Variants in NEB observed in about 807,000 individuals in gnomAD.
The protein encoded by NEB is nemaline myopathy type 2.
In NEB, 512 loss-of-function variants were observed where a neutral mutation model predicts 952.2. The observed-to-expected ratio is 0.54, with a 90% confidence interval of 0.50 to 0.58. The LOEUF is 0.58. Among genes scored for constraint, NEB ranks in the 20% least tolerant of loss-of-function variants. The pLI is 0.00. For synonymous variants in NEB, 2,900 were observed against 3,149.8 expected, an observed-to-expected ratio of 0.92 and a Z score of 2.66; for missense variants, 8,428 against 9,231.1, an observed-to-expected ratio of 0.91 and a Z score of 3.56.
Position 151,547,742 on chromosome 2 carries a change from C to T in NEB, c.20158-4G>A, listed in dbSNP as rs568113302. The T allele has an allele frequency of 6.8e-6, 11 of 1,607,330 alleles. No individual in the cohort carries two copies. Among genetic ancestry groups the T allele is most frequent in the African/African-American group, 2.7e-5 (2 of 74,826 alleles). The stretch of plus-strand genomic sequence containing the variant: ...GGTACAATTCCCGATACAGTCTCTA[C>T]GTTGGAGGAAATATCATTACAGGCA... On this transcript the variant is annotated splice_region_variant and splice_polypyrimidine_tract_variant and intron_variant, in intron 131 of 181. Transcript: ENST00000397345.
At position 151,637,743 on chromosome 2, in the gene NEB, G is replaced by C. The variant is rs140113688; in HGVS notation, c.8995-1409C>G. Among the ~76,000 whole-genome samples, 457 of 152,282 alleles carry C rather than the reference G, an allele frequency of 3.0e-3. 1 individual carries two copies. Among genetic ancestry groups the C allele is most frequent in the African/African-American group, 0.011 (438 of 41,548 alleles). Reference sequence around the variant, plus strand: ...TGAAATTCTTGCACATGTAATGCATGGTTTCCTGTAACAGGACCTATATTA... The same window carrying C: ...TGAAATTCTTGCACATGTAATGCATCGTTTCCTGTAACAGGACCTATATTA... On this transcript the variant is annotated intron_variant, in intron 63 of 181. Transcript: ENST00000397345.
rs2099760539 is a variant in NEB at position 151,716,848 on chromosome 2, G to T, written c.822+568C>A. The stretch of plus-strand genomic sequence containing the variant: ...AATTTAAAATAGGAATTTAGCATGG[G>T]CCTATTCATCAGCTAAGCATCTGTC... On this transcript the variant is annotated intron_variant, in intron 10 of 181. Transcript: ENST00000397345. Among the ~76,000 whole-genome samples the T allele has an allele frequency of 3.3e-5, 5 of 152,190 alleles. No individual in the cohort carries two copies. The East Asian group carries it at 9.6e-4, about 29-fold the overall frequency.
In NEB at chr2:151,505,491, T is replaced by C; in HGVS notation, c.23729A>G (p.Lys7910Arg). 7 of 1,613,798 alleles carry C rather than the reference T, an allele frequency of 4.3e-6. No homozygotes were observed. Among genetic ancestry groups the C allele is most frequent in the Non-Finnish European group, 5.9e-6 (7 of 1,179,728 alleles). ...PEVKRVKETQ[K>R]HISSVMYKEN... ...TATGGCCACTACCGAGCTAATGTGC[T>C]TCTGCGTCTCCTTCACACGTTTCAC... Residue 7910 changes from lysine (K) to arginine (R), a missense_variant, in exon 165 of 182, where the codon AAG becomes AGG. Lys to Arg is a conservative substitution (Grantham distance 26). Transcript: ENST00000397345.
intron 143 of NEB, 88 bp downstream of exon 143, chr2:151,533,354 A>T: frequency 1.2e-6 from 1 of 822,938 alleles, no homozygotes; most frequent in South Asian, 1.6e-5. Flanking sequence ...ATGGGCAGGG[A>T]GTGGAAGAGG....
At position 151,496,969 on chromosome 2, in the gene NEB, ACTCT is replaced by A. The variant is rs752582527; in HGVS notation, c.24361_24364del (p.Arg8121SerfsTer23). On this transcript the variant is annotated frameshift_variant, in exon 172 of 182. Transcript: ENST00000397345. LOFTEE classifies it high-confidence loss of function. ...GCTAATATTTTCTTGATTGTGTTTG[ACTCT>A]CTCCATCTCAGGAGTGACAGGTAGA... 1 of 1,579,848 alleles carries A rather than the reference ACTCT, an allele frequency of 6.3e-7. No homozygotes were observed. The highest frequency in any genetic ancestry group is 8.6e-7 in the Non-Finnish European group (1 of 1,160,712).
At position 151,562,017 on chromosome 2, in the gene NEB, C is replaced by A. The variant is rs554797755; in HGVS notation, c.18996+93G>T. 4.1e-6 allele frequency: 4 copies of A among 965,886 alleles called. No homozygotes were observed. In the African/African-American group the frequency reaches 4.8e-5, roughly 12 times the overall value. 59.8% of individuals were successfully genotyped at this position (965,886 alleles called of 1,614,324 possible). On this transcript the variant is annotated intron_variant, in intron 121 of 181. Coordinates refer to ENST00000397345, the MANE Select transcript of NEB (RefSeq NM_001164508.2). ...TGGTCAGTTAGAGCCTACACTGTTACAGCAACTTTCTTTGCCTGCCCATCA... is the reference window on the plus strand; with the variant it reads ...TGGTCAGTTAGAGCCTACACTGTTAAAGCAACTTTCTTTGCCTGCCCATCA...
intron 143 of NEB, among the ~76,000 whole-genome samples, chr2:151,533,224 T>C (rs1163757822): frequency 6.6e-6 from 1 of 152,240 alleles, no homozygotes; most frequent in Non-Finnish European, 1.5e-5. Context: ...GTTAATTTTA[T>C]TAAGAGTTCT....
chr2:151,723,614 T>C, intron 8 of NEB, 128 bp from the exon 9 acceptor site: 2 of 606,638 alleles, frequency 3.3e-6, no homozygotes, highest in Non-Finnish European at 5.6e-6. Flanking sequence ...TAAATGAAAT[T>C]CACAGATAAC....
In NEB at chr2:151,694,354, T is replaced by C. The variant is rs993065543; in HGVS notation, c.1865A>G (p.His622Arg). 16 of 1,613,972 alleles carry C rather than the reference T, an allele frequency of 9.9e-6. No individual in the cohort carries two copies. Among genetic ancestry groups the C allele is most frequent in the Non-Finnish European group, 1.4e-5 (16 of 1,179,880 alleles). Residue 622 changes from histidine to arginine, a missense_variant, in exon 20 of 182, where the codon CAC becomes CGC. His to Arg is a conservative substitution (Grantham distance 29). This residue lies in a region of NEB where 2,851 missense variants were observed against 2,791.5 expected (regional missense o/e 1.02). Coordinates refer to ENST00000397345, the MANE Select transcript of NEB (RefSeq NM_001164508.2). Reference protein sequence around the residue: ...LSINDDPKMLHSLKVAKNQSD... With the variant: ...LSINDDPKMLRSLKVAKNQSD... ...CTGGTTTTTGGCCACCTTCAAGGAG[T>C]GCAGCATCTTGGGATCGTCATTAAT...
At position 151,650,715 on chromosome 2, in the gene NEB, G is replaced by A; in HGVS notation, c.7086C>T (p.Asp2362=). The A allele has an allele frequency of 6.2e-7, 1 of 1,613,920 alleles. No homozygotes were observed. Among genetic ancestry groups the A allele is most frequent in the South Asian group, 1.1e-5 (1 of 91,080 alleles). The change falls in exon 53 of 182, where the codon GAC becomes GAT. Residue 2362 remains aspartate (D), a synonymous_variant. Transcript: ENST00000397345. The part of the protein sequence containing the change: ...KWKTKFSSPV[D]MLGVVLAKKC... The stretch of plus-strand genomic sequence containing the variant: ...TCTTGGCCAGTACCACTCCCAACAT[G>A]TCCACTGGGCTGGAGAACTTAGTTT...
chr2:151,632,163 AT>A lies in NEB; in HGVS notation c.9415-818del, dbSNP rs558463697. On this transcript the variant is annotated intron_variant, in intron 65 of 181. Transcript: ENST00000397345. ...CATATTTTTCTCACTTTATTAAAAA[AT>A]TTTTTTTTGCTGAAGGTTTTTATAT... is the stretch of plus-strand genomic sequence containing the variant. 1.2e-4 allele frequency among the ~76,000 whole-genome samples: 18 copies of A among 151,534 alleles called. No individual in the cohort carries two copies. The South Asian group carries it at 2.9e-3, about 25-fold the overall frequency.
At chr2:151,671,436 T>C in intron 37 of NEB, 1 of 484,526 alleles carries the variant, frequency 2.1e-6, no homozygotes, top group Non-Finnish European at 3.6e-6. Flanking sequence ...GAAGGGAATC[T>C]AGGTCACATA....
At chr2:151,520,006 T>C (rs1484078167) in intron 153 of NEB, 3 of 313,082 alleles carry the variant, frequency 9.6e-6, no homozygotes, top group Non-Finnish European at 1.7e-5. Context: ...TATTCCAAGG[T>C]ATAAAAAGTA....
chr2:151,505,551 A>C lies in NEB; in HGVS notation c.23669T>G (p.Ile7890Arg). ...GTCAGGGATTGGAGTTCCTTGTCCT[A>C]TTGCTTCCTTATACTTCACCTGCAG... The part of the protein sequence containing the change: ...HISSVKYKEA[I>R]GQGTPIPDLP... Residue 7890 changes from isoleucine (I) to arginine (R), a missense_variant, in exon 165 of 182, where the codon ATA becomes AGA. Physicochemically the swap from Ile to Arg is moderately conservative, Grantham distance 97. Around this residue, in one of 11 missense-constraint regions of NEB, gnomAD observed 3,374 missense variants for 3,651.5 expected, o/e 0.92. Coordinates refer to ENST00000397345, the MANE Select transcript of NEB (RefSeq NM_001164508.2). 6.2e-7 allele frequency: 1 copy of C among 1,613,612 alleles called. No homozygotes were observed. The highest frequency in any genetic ancestry group is 2.2e-5 in the East Asian group (1 of 44,882).
In NEB at chr2:151,566,145, T is replaced by C. The variant is rs113705260; in HGVS notation, c.18157-325A>G. Among the ~76,000 whole-genome samples the C allele has an allele frequency of 3.9e-3, 598 of 152,300 alleles. 5 individuals carry two copies. Among genetic ancestry groups the C allele is most frequent in the African/African-American group, 0.013 (557 of 41,578 alleles). On this transcript the variant is annotated intron_variant, in intron 114 of 181. Coordinates refer to ENST00000397345, the MANE Select transcript of NEB (RefSeq NM_001164508.2). ...GGGCTGTTATTTTCTGCTATCGTCA[T>C]AAGAAAAGGCTTACCAAGGAGGTTG...
At chr2:151,651,503 G>A (rs543102903) in intron 52 of NEB, among the ~76,000 whole-genome samples, 1 of 152,218 alleles carries the variant, frequency 6.6e-6, no homozygotes, top group South Asian at 2.1e-4. Flanking sequence ...TGTCCTGTTT[G>A]GGATCTATAT....
chr2:151,724,032 C>T (rs1336694562), intron 8 of NEB, among the ~76,000 whole-genome samples: 1 of 152,160 alleles, frequency 6.6e-6, no homozygotes, highest in East Asian at 1.9e-4. Flanking sequence ...TCCCCTCTGC[C>T]CCCAGGTTGC....
intron 71 of NEB, among the ~76,000 whole-genome samples, chr2:151,623,865 G>A (rs1012865361): frequency 2.0e-5 from 3 of 152,030 alleles, no homozygotes; most frequent in Non-Finnish European, 2.9e-5. Flanking sequence ...TCATCTCATG[G>A]CTTCAGGCCA....
intron 107 of NEB, among the ~76,000 whole-genome samples, chr2:151,574,866 G>A (rs928621307): frequency 6.6e-6 from 1 of 151,870 alleles, no homozygotes; most frequent in Admixed American, 6.6e-5. Context: ...CAAGTAACTT[G>A]GGCCACAGGT....
Sources: allele counts gnomAD v4.1 joint callset (sites outside exome capture counted in the v4.1 genomes callset), GRCh38; gene constraint gnomAD v4.1.1; regional missense constraint gnomAD v4.1.1; transcripts MANE v1.5; gene names NCBI Gene and HGNC (gene_info 2026-07-23, HGNC 2026-07-21).